The following PIP4K2C variants were observed in gnomAD, a reference collection of about 807,000 sequenced individuals.
PIP4K2C encodes phosphatidylinositol-5-phosphate 4-kinase type 2 gamma.
PIP4K2C carries 21 observed loss-of-function variants against 45.0 expected under a neutral mutation model. That is an observed-to-expected ratio of 0.47 (90% CI 0.33 to 0.67). PIP4K2C has a LOEUF of 0.67. Among genes scored for constraint, PIP4K2C ranks in the 30% least tolerant of loss-of-function variants. The pLI, the probability that PIP4K2C is intolerant of heterozygous loss-of-function variation, is 0.02. For missense variants in PIP4K2C, 456 were observed against 542.8 expected, an observed-to-expected ratio of 0.84 and a Z score of 1.59; for synonymous variants, 201 against 204.8, an observed-to-expected ratio of 0.98 and a Z score of 0.16.
At chr12:57,592,585 A>G (rs1472595323) in intron 1 of PIP4K2C, among the ~76,000 whole-genome samples, 2 of 152,082 alleles carry the variant, frequency 1.3e-5, no homozygotes, top group Non-Finnish European at 2.9e-5. Flanking sequence ...GGTATGGGGA[A>G]GGCTGATGGA....
chr12:57,600,227 A>T (rs775912794), intron 6 of PIP4K2C, 97 bp from the exon 7 acceptor site: 5 of 694,384 alleles, frequency 7.2e-6, no homozygotes, highest in Non-Finnish European at 1.2e-5. Flanking sequence ...GTTAGATGAG[A>T]TCTAACTGAG....
Position 57,601,717 on chromosome 12 carries a change from C to T in PIP4K2C, c.*111C>T, listed in dbSNP as rs530748943. 3.3e-6 allele frequency: 3 copies of T among 917,620 alleles called. No individual in the cohort carries two copies. In the African/African-American group the frequency reaches 4.9e-5, roughly 15 times the overall value. The allele number at this position is 917,620 out of a possible 1,614,324, so 56.8% of individuals were successfully genotyped here. On this transcript the variant is annotated 3_prime_UTR_variant, in exon 10 of 10. Transcript: ENST00000354947. ...CTCTTCTTCCTTTGCTAAATTCAGG[C>T]TGCAGGCTCCTTCCATCCAGATAAC...
intron 6 of PIP4K2C, 65 bp downstream of exon 6, chr12:57,599,503 T>A (rs1297741820): frequency 3.9e-5 from 61 of 1,570,722 alleles, no homozygotes; most frequent in Non-Finnish European, 5.0e-5. Flanking sequence ...GAGGGGAACT[T>A]CTTAGGATGG....
chr12:57,593,130 G>A (rs1883033207), intron 1 of PIP4K2C, among the ~76,000 whole-genome samples: 1 of 152,102 alleles, frequency 6.6e-6, no homozygotes, highest in South Asian at 2.1e-4. Context: ...AGATGCAGAC[G>A]ACTAGAATGA....
chr12:57,594,991 A>G, intron 2 of PIP4K2C, 135 bp from the exon 3 acceptor site: 1 of 600,410 alleles, frequency 1.7e-6, no homozygotes, highest in Admixed American at 3.0e-5. Context: ...TAACAAATAA[A>G]AATTAAAAAA....
chr12:57,602,466 G>C lies in PIP4K2C; in HGVS notation c.*860G>C, dbSNP rs1883482085. The C allele has an allele frequency of 6.6e-6, 1 of 152,202 alleles. No homozygotes were observed. The highest frequency in any genetic ancestry group is 1.5e-5 in the Non-Finnish European group (1 of 68,044). The allele number at this position is 152,202 out of a possible 1,614,324, so 9.4% of individuals were successfully genotyped here. ...GGGTGTGTGGCCAGTTTTGGAGGCT[G>C]GAATGATGGGCCAGGGTGTAGGATT... On this transcript the variant is annotated 3_prime_UTR_variant, in exon 10 of 10. Coordinates refer to ENST00000354947, the MANE Select transcript of PIP4K2C (RefSeq NM_024779.5).
chr12:57,592,176 C>T (rs1484710696), intron 1 of PIP4K2C, among the ~76,000 whole-genome samples: 1 of 152,172 alleles, frequency 6.6e-6, no homozygotes. Flanking sequence ...CTGAGGGGCT[C>T]TGTTCCTGAG....
rs1166464162 is a variant in PIP4K2C, at chr12:57,595,191, A to G, written c.338A>G (p.Asp113Gly). Residue 113 changes from aspartate (D) to glycine (G), a missense_variant, in exon 3 of 10, where the codon GAT becomes GGT. Transcript: ENST00000354947. The part of the protein sequence containing the change: ...YCPQVFRNLR[D>G]RFGIDDQDYL... The stretch of plus-strand genomic sequence containing the variant: ...CCCCAGGTCTTCAGGAACCTCCGTG[A>G]TCGATTTGGCATTGATGACCAAGAT... The G allele has an allele frequency of 1.2e-6, 2 of 1,611,638 alleles. No homozygotes were observed. The highest frequency in any genetic ancestry group is 1.3e-5 in the African/African-American group (1 of 74,832).
Position 57,595,165 on chromosome 12 carries a change from TC to T in PIP4K2C, c.316del (p.Gln106ArgfsTer69). 6.2e-7 allele frequency: 1 copy of T among 1,612,550 alleles called. No homozygotes were observed. The highest frequency in any genetic ancestry group is 8.5e-7 in the Non-Finnish European group (1 of 1,178,590). On this transcript the variant is annotated frameshift_variant, in exon 3 of 10. Coordinates refer to ENST00000354947, the MANE Select transcript of PIP4K2C (RefSeq NM_024779.5). LOFTEE classifies it high-confidence loss of function. The part of the protein sequence containing the change: ...PSHFKFKEYC[P>X]QVFRNLRDRF... ...GTCATTTCAAGTTCAAGGAGTATTG[TC>T]CCCAGGTCTTCAGGAACCTCCGTGA...
rs781033897 is a variant in PIP4K2C at position 57,600,827 on chromosome 12, A to G, written c.830A>G (p.Lys277Arg). Residue 277 changes from lysine (K) to arginine (R), a missense_variant, in exon 8 of 10, where the codon AAG (lysine) becomes AGG (arginine). Coordinates refer to ENST00000354947, the MANE Select transcript of PIP4K2C (RefSeq NM_024779.5). The part of the protein sequence containing the change: ...KRDVEFLVQL[K>R]IMDYSLLLGI... ...GGGTCTCAGTTTCTAGTGCAGCTGA[A>G]GATCATGGACTACAGCCTTCTGCTA... 6.2e-7 allele frequency: 1 copy of G among 1,614,174 alleles called. No homozygotes were observed. The highest frequency in any genetic ancestry group is 8.5e-7 in the Non-Finnish European group (1 of 1,180,038).
At chr12:57,601,471 G>A (rs1883436193) in intron 9 of PIP4K2C, 55 bp from the exon 10 acceptor site, 1 of 1,554,204 alleles carries the variant, frequency 6.4e-7, no homozygotes, top group South Asian at 1.1e-5. Context: ...GGGTGGGGGT[G>A]ATGGGGACGG....
chr12:57,600,309 T>G lies in PIP4K2C; in HGVS notation c.700-15T>G, dbSNP rs759907119. The G allele has an allele frequency of 1.3e-6, 2 of 1,529,660 alleles. No homozygotes were observed. Among genetic ancestry groups the G allele is most frequent in the Non-Finnish European group, 1.8e-6 (2 of 1,107,092 alleles). 94.8% of individuals were successfully genotyped at this position (1,529,660 alleles called of 1,614,324 possible). ...AAGGGATATGTTCCCAAGATGTCCC[T>G]TTACATATTCTTAGGTTAAAGAATT... On this transcript the variant is annotated splice_polypyrimidine_tract_variant and intron_variant, in intron 6 of 9. Transcript: ENST00000354947.
chr12:57,596,680 GC>G (rs776790795), intron 4 of PIP4K2C, among the ~76,000 whole-genome samples: 29 of 152,130 alleles, frequency 1.9e-4, no homozygotes, highest in Admixed American at 1.0e-3. Flanking sequence ...CTCTTATTAG[GC>G]CCTATGTTAG....
At chr12:57,591,517 G>A in intron 1 of PIP4K2C, 54 bp downstream of exon 1, 1 of 1,493,648 alleles carries the variant, frequency 6.7e-7, no homozygotes, top group South Asian at 1.3e-5. Context: ...CGGCTCCGAG[G>A]CGTCCCTGTT....
intron 5 of PIP4K2C, 91 bp downstream of exon 5, chr12:57,599,302 A>C: frequency 6.2e-7 from 1 of 1,605,590 alleles, no homozygotes; most frequent in Non-Finnish European, 8.5e-7. Flanking sequence ...ATTCCTTTTA[A>C]GGGAAAGAAG....
intron 4 of PIP4K2C, among the ~76,000 whole-genome samples, chr12:57,597,194 G>A (rs1005175758): frequency 6.6e-6 from 1 of 152,178 alleles, no homozygotes; most frequent in African/African-American, 2.4e-5. Flanking sequence ...AAATGTGACA[G>A]CGTTTTAGAG....
Position 57,591,340 on chromosome 12 carries a change from C to A in PIP4K2C, c.51C>A (p.Gly17=), listed in dbSNP as rs369839047. 12 of 1,613,184 alleles carry A rather than the reference C, an allele frequency of 7.4e-6. No homozygotes were observed. The highest frequency in any genetic ancestry group is 1.6e-4 in the Middle Eastern group (1 of 6,082). ...PPATVSAATA[G]PGPGFGFASK... is the part of the protein sequence containing the mutation. Reference sequence around the variant, plus strand: ...CCACGGTATCGGCGGCGACAGCAGGCCCCGGCCCAGGTTTCGGCTTCGCCT... The same window carrying A: ...CCACGGTATCGGCGGCGACAGCAGGACCCGGCCCAGGTTTCGGCTTCGCCT... Residue 17 remains glycine, a synonymous_variant, in exon 1 of 10, where the codon GGC becomes GGA. Transcript: ENST00000354947.
intron 5 of PIP4K2C, 46 bp from the exon 6 acceptor site, chr12:57,599,354 T>C (rs778518193): frequency 6.2e-7 from 1 of 1,613,576 alleles, no homozygotes; most frequent in Non-Finnish European, 8.5e-7. Flanking sequence ...GTTCTGACTG[T>C]TCTTTTAGCC....
At chr12:57,594,408 T>C (rs1666940464) in intron 2 of PIP4K2C, among the ~76,000 whole-genome samples, 1 of 152,104 alleles carries the variant, frequency 6.6e-6, no homozygotes, top group Non-Finnish European at 1.5e-5. Context: ...ATGAGAACCA[T>C]TAGCTTCTGA....
Sources: gnomAD v4.1 joint callset for allele counts (sites outside exome capture counted in the v4.1 genomes callset) on GRCh38, gnomAD v4.1.1 for gene constraint, MANE v1.5 for transcripts, NCBI Gene and HGNC (gene_info 2026-07-23, HGNC 2026-07-21) for gene names.